The following PARD3 variants were observed in gnomAD, a reference collection of about 807,000 sequenced individuals.
PARD3 encodes par-3 family cell polarity regulator, also known as partitioning defective 3 homolog.
PARD3 carries 75 observed loss-of-function variants against 155.4 expected under a neutral mutation model. The observed-to-expected ratio is 0.48, with a 90% confidence interval of 0.40 to 0.58. PARD3 has a LOEUF of 0.58. PARD3 is among the 20% of genes least tolerant of loss of function. The probability of loss-of-function intolerance (pLI) is 0.00; values close to 1 mark genes in which losing one functional copy is unlikely to be tolerated. For synonymous variants in PARD3, 576 were observed against 610.5 expected (o/e 0.94, Z 0.83); for missense variants, 1,642 against 1,721.7 (o/e 0.95, Z 0.82).
chr10:34,797,441 C>T (rs1182885032), intron 1 of PARD3, among the ~76,000 whole-genome samples: 2 of 152,150 alleles, frequency 1.3e-5, no homozygotes, highest in Admixed American at 6.6e-5. Flanking sequence ...CGTGAGGCAC[C>T]GCACCTGGCC....
At chr10:34,346,222 G>A (rs964823639) in intron 15 of PARD3, 1 of 1,152,224 alleles carries the variant, frequency 8.7e-7, no homozygotes, top group African/African-American at 1.6e-5. Context: ...GACTAATGAA[G>A]CTGTAGCTAA....
chr10:34,742,708 G>C (rs940090184), intron 1 of PARD3, among the ~76,000 whole-genome samples: 8 of 152,130 alleles, frequency 5.3e-5, no homozygotes, highest in African/African-American at 1.9e-4. Flanking sequence ...TCACTACTAG[G>C]GAGTAAAACG....
intron 12 of PARD3, among the ~76,000 whole-genome samples, chr10:34,363,282 C>T (rs1839631731): frequency 6.6e-6 from 1 of 151,916 alleles, no homozygotes; most frequent in Admixed American, 6.6e-5. Flanking sequence ...GATTGCTGAA[C>T]TCTGAACCTG....
chr10:34,759,001 C>T (rs1010253103), intron 1 of PARD3, among the ~76,000 whole-genome samples: 1 of 151,222 alleles, frequency 6.6e-6, no homozygotes, highest in Non-Finnish European at 1.5e-5. Context: ...TAGAAAGAGG[C>T]GGAAGGAAAA....
At chr10:34,615,615 C>T (rs567862996) in intron 2 of PARD3, among the ~76,000 whole-genome samples, 2 of 152,222 alleles carry the variant, frequency 1.3e-5, no homozygotes, top group East Asian at 3.9e-4. Context: ...TTATATCAGA[C>T]TAAAAGCTTC....
chr10:34,380,390 T>A (rs1791251329), intron 9 of PARD3, among the ~76,000 whole-genome samples: 2 of 152,222 alleles, frequency 1.3e-5, no homozygotes, highest in South Asian at 4.1e-4. Flanking sequence ...TTAAGCATAG[T>A]CTTTCTAAAT....
At chr10:34,473,055 C>T (rs1382138757) in intron 3 of PARD3, among the ~76,000 whole-genome samples, 3 of 152,154 alleles carry the variant, frequency 2.0e-5, no homozygotes, top group South Asian at 2.1e-4. Flanking sequence ...ACAGAGGGAG[C>T]TCCAGGCCCT....
intron 18 of PARD3, among the ~76,000 whole-genome samples, chr10:34,335,659 T>C (rs1836098571): frequency 6.6e-6 from 1 of 152,058 alleles, no homozygotes; most frequent in Admixed American, 6.5e-5. Flanking sequence ...CATTATATAG[T>C]CTAATCCAAC....
rs1173904388 is a variant in PARD3, at chr10:34,309,548, C to CAA, written c.3065+7557_3065+7558dup. On this transcript the variant is annotated intron_variant, in intron 20 of 24. Coordinates refer to ENST00000374788, the MANE Select transcript of PARD3 (RefSeq NM_001184785.2). ...CTCCTGCTGAGCAAGACCCTGTCTC[C>CAA]AAAAAAAAAAAAAAAAAAAAAAAAA... 6.4e-3 allele frequency among the ~76,000 whole-genome samples: 412 copies of CAA among 64,018 alleles called. 13 individuals are homozygous for CAA. The highest frequency in any genetic ancestry group is 7.0e-3 in the Non-Finnish European group (250 of 35,482). 42.0% of individuals were successfully genotyped at this position (64,018 alleles called of 152,430 possible). A position where few individuals can be genotyped will look rare whatever the true frequency, so the allele number is the denominator to read the frequency against.
chr10:34,168,127 T>G (rs1248914718), intron 22 of PARD3, among the ~76,000 whole-genome samples: 1 of 152,192 alleles, frequency 6.6e-6, no homozygotes, highest in African/African-American at 2.4e-5. Flanking sequence ...ATTTTATAGC[T>G]TTGGTATCTG....
chr10:34,703,253 G>A (rs970911205), intron 1 of PARD3, among the ~76,000 whole-genome samples: 8 of 151,694 alleles, frequency 5.3e-5, no homozygotes, highest in Non-Finnish European at 2.9e-5. Flanking sequence ...GTCAGGTGTG[G>A]TGGCATGCAC....
intron 2 of PARD3, among the ~76,000 whole-genome samples, chr10:34,669,959 AT>A (rs2093578792): frequency 6.6e-6 from 1 of 152,260 alleles, no homozygotes; most frequent in Non-Finnish European, 1.5e-5. Context: ...TAAAAGATTT[AT>A]AGTGAAAAGG....
intron 1 of PARD3, among the ~76,000 whole-genome samples, chr10:34,803,257 A>C (rs1254406105): frequency 3.6e-5 from 5 of 139,822 alleles, no homozygotes; most frequent in Admixed American, 2.8e-4. Context: ...AAATAATAAC[A>C]AAAAAAAAAA....
intron 2 of PARD3, among the ~76,000 whole-genome samples, chr10:34,572,035 G>T (rs1308201373): frequency 2.6e-5 from 4 of 152,038 alleles, no homozygotes; most frequent in Admixed American, 1.3e-4. Flanking sequence ...TTTTCAAATT[G>T]TCATAAATAT....
chr10:34,306,862 C>T (rs1276201300), intron 20 of PARD3, among the ~76,000 whole-genome samples: 1 of 152,098 alleles, frequency 6.6e-6, no homozygotes, highest in Non-Finnish European at 1.5e-5. Context: ...AAGTTTCCAG[C>T]ATACACTATT....
intron 5 of PARD3, among the ~76,000 whole-genome samples, chr10:34,434,173 G>T (rs2076079940): frequency 6.6e-6 from 1 of 152,178 alleles, no homozygotes; most frequent in Non-Finnish European, 1.5e-5. Flanking sequence ...ACCCAGAGAT[G>T]CAAGAACAGG....
rs1239928071 is a variant in PARD3, at chr10:34,263,500, T to TA, written c.3419+6156dup. ...AGTGAGACCCCATCTGTACAAAAAA[T>TA]AAAAAAAAAATAGTTGGGCATCATG... On this transcript the variant is annotated intron_variant, in intron 22 of 24. Coordinates refer to ENST00000374788, the MANE Select transcript of PARD3 (RefSeq NM_001184785.2). Among the ~76,000 whole-genome samples, 542 of 148,402 alleles carry TA rather than the reference T, an allele frequency of 3.7e-3. 3 individuals are homozygous for TA. The highest frequency in any genetic ancestry group is 0.023 in the South Asian group (109 of 4,692).
intron 16 of PARD3, among the ~76,000 whole-genome samples, chr10:34,338,108 AGATGCTGAG>A (rs1475356343): frequency 6.6e-6 from 1 of 152,264 alleles, no homozygotes; most frequent in Non-Finnish European, 1.5e-5. Context: ...AGTCTGAAAC[AGATGCTGAG>A]GATGCATAGA....
intron 2 of PARD3, among the ~76,000 whole-genome samples, chr10:34,518,860 A>G (rs550466992): frequency 6.6e-6 from 1 of 152,328 alleles, no homozygotes; most frequent in African/African-American, 2.4e-5. Flanking sequence ...CATTTTGACT[A>G]AAAAGCAAAA....
Sources: allele counts gnomAD v4.1 joint callset (sites outside exome capture counted in the v4.1 genomes callset), GRCh38; gene constraint gnomAD v4.1.1; transcripts MANE v1.5; gene names NCBI Gene and HGNC (gene_info 2026-07-23, HGNC 2026-07-21).